The following RBFOX1 variants were observed in gnomAD, a reference collection of about 807,000 sequenced individuals.
RBFOX1 encodes RNA binding fox-1 homolog 1, also known as RNA binding protein fox-1 homolog 1.
In RBFOX1, 8 loss-of-function variants were observed where a neutral mutation model predicts 57.7. The ratio of observed to expected loss-of-function variants is 0.14; its 90% confidence interval spans 0.08 to 0.25. The LOEUF (loss-of-function observed/expected upper bound fraction) is 0.25. Among genes scored for constraint, RBFOX1 ranks in the 10% least tolerant of loss-of-function variants. The pLI, the probability that RBFOX1 is intolerant of heterozygous loss-of-function variation, is 1.00. For missense variants in RBFOX1, 611 were observed against 548.5 expected, an observed-to-expected ratio of 1.11 and a Z score of -1.14; for synonymous variants, 326 against 222.4, an observed-to-expected ratio of 1.47 and a Z score of -4.15.
intron 4 of RBFOX1, among the ~76,000 whole-genome samples, chr16:7,303,496 C>G (rs978715858): frequency 6.6e-6 from 1 of 152,226 alleles, no homozygotes; most frequent in Non-Finnish European, 1.5e-5. Flanking sequence ...GCGCGGGGCG[C>G]TCGCTCGCCT....
intron 2 of RBFOX1, among the ~76,000 whole-genome samples, chr16:6,439,884 C>G (rs550917684): frequency 3.5e-4 from 53 of 152,056 alleles, no homozygotes; most frequent in Non-Finnish European, 7.1e-4. Context: ...ATTTGATATC[C>G]TCTTTAAAAT....
chr16:6,698,687 T>G (rs765997975), intron 3 of RBFOX1, among the ~76,000 whole-genome samples: 1 of 152,206 alleles, frequency 6.6e-6, no homozygotes, highest in Non-Finnish European at 1.5e-5. Context: ...TATTCTATGC[T>G]ATTTTCAGCA....
intron 2 of RBFOX1, among the ~76,000 whole-genome samples, chr16:6,628,793 G>A (rs1217464904): frequency 6.6e-6 from 1 of 152,136 alleles, no homozygotes; most frequent in Admixed American, 6.5e-5. Context: ...TTCTTCCAAA[G>A]TTTAGGTATG....
intron 4 of RBFOX1, among the ~76,000 whole-genome samples, chr16:7,426,968 C>G (rs2098623732): frequency 6.6e-6 from 1 of 152,168 alleles, no homozygotes; most frequent in South Asian, 2.1e-4. Flanking sequence ...TTTGTAGGGA[C>G]ATGGATGAAG....
intron 2 of RBFOX1, among the ~76,000 whole-genome samples, chr16:6,540,255 T>A (rs750855593): frequency 5.9e-5 from 9 of 152,006 alleles, no homozygotes; most frequent in Non-Finnish European, 1.3e-4. Flanking sequence ...ATTTGTGCAA[T>A]TCTCCCTCAA....
At chr16:7,012,158 C>T (rs1468049062) in intron 3 of RBFOX1, among the ~76,000 whole-genome samples, 1 of 152,158 alleles carries the variant, frequency 6.6e-6, no homozygotes, top group Non-Finnish European at 1.5e-5. Context: ...AGACTATGAT[C>T]ACTATCATTT....
intron 4 of RBFOX1, among the ~76,000 whole-genome samples, chr16:7,333,458 T>A (rs563513015): frequency 8.8e-4 from 134 of 152,274 alleles, no homozygotes; most frequent in African/African-American, 3.1e-3. Flanking sequence ...GTGACTCAGT[T>A]AAGAGCTTTA....
At chr16:7,575,355 G>C (rs1255846072) in intron 5 of RBFOX1, among the ~76,000 whole-genome samples, 1 of 152,072 alleles carries the variant, frequency 6.6e-6, no homozygotes, top group African/African-American at 2.4e-5. Context: ...GGCTGGTCTT[G>C]AACTCCTTAC....
chr16:6,647,508 A>G (rs967417915), intron 2 of RBFOX1, among the ~76,000 whole-genome samples: 4 of 152,146 alleles, frequency 2.6e-5, no homozygotes, highest in African/African-American at 9.7e-5. Context: ...TTAGACTCCC[A>G]AAGTGATGGG....
chr16:6,864,734 T>C (rs1567618851), intron 3 of RBFOX1, among the ~76,000 whole-genome samples: 1 of 152,112 alleles, frequency 6.6e-6, no homozygotes, highest in Non-Finnish European at 1.5e-5. Context: ...TCCTAGAAGA[T>C]GTTGCTCTGT....
At chr16:6,873,317 T>G (rs558439758) in intron 3 of RBFOX1, among the ~76,000 whole-genome samples, 25 of 152,204 alleles carry the variant, frequency 1.6e-4, no homozygotes, top group African/African-American at 5.8e-4. Flanking sequence ...CTTCCTTATG[T>G]TGGAGGGGGA....
intron 14 of RBFOX1, among the ~76,000 whole-genome samples, chr16:7,705,496 C>G (rs1016684951): frequency 6.6e-6 from 1 of 152,050 alleles, no homozygotes; most frequent in African/African-American, 2.4e-5. Flanking sequence ...CAGAGCAAGA[C>G]CAACTCAAAA....
intron 3 of RBFOX1, among the ~76,000 whole-genome samples, chr16:5,675,556 A>G (rs2050142354): frequency 6.6e-6 from 1 of 152,122 alleles, no homozygotes; most frequent in South Asian, 2.1e-4. Context: ...CACAGAAAAC[A>G]AGGCATGGGG....
chr16:6,629,882 T>C (rs188176405), intron 2 of RBFOX1, among the ~76,000 whole-genome samples: 1 of 152,046 alleles, frequency 6.6e-6, no homozygotes, highest in African/African-American at 2.4e-5. Flanking sequence ...CTTAATGTTA[T>C]GAAGGACCTG....
intron 12 of RBFOX1, among the ~76,000 whole-genome samples, chr16:7,659,765 G>T (rs1165009884): frequency 6.6e-6 from 1 of 152,150 alleles, no homozygotes; most frequent in Non-Finnish European, 1.5e-5. Context: ...GTTTTAAAAT[G>T]TAATCCAAAC....
chr16:6,732,860 T>C (rs558698907), intron 3 of RBFOX1, among the ~76,000 whole-genome samples: 1 of 152,326 alleles, frequency 6.6e-6, no homozygotes, highest in East Asian at 1.9e-4. Context: ...ATGTAAACTT[T>C]TCACAACAAA....
At chr16:7,005,735 G>C (rs564681947) in intron 3 of RBFOX1, among the ~76,000 whole-genome samples, 1 of 152,306 alleles carries the variant, frequency 6.6e-6, no homozygotes, top group South Asian at 2.1e-4. Flanking sequence ...ACCGCTAGGT[G>C]ATCATGTCTG....
chr16:6,912,445 T>G (rs1324776373), intron 3 of RBFOX1, among the ~76,000 whole-genome samples: 1 of 152,126 alleles, frequency 6.6e-6, no homozygotes, highest in Non-Finnish European at 1.5e-5. Context: ...AGTAAAGATT[T>G]TTCAGGATCC....
At chr16:6,919,229 C>T (rs879814902) in intron 3 of RBFOX1, among the ~76,000 whole-genome samples, 21 of 151,984 alleles carry the variant, frequency 1.4e-4, no homozygotes, top group South Asian at 2.1e-4. Context: ...GTGATCCGCC[C>T]GCCTCAGCTT....
Sources: gnomAD v4.1 joint callset for allele counts (sites outside exome capture counted in the v4.1 genomes callset) on GRCh38, gnomAD v4.1.1 for gene constraint, MANE v1.5 for transcripts, NCBI Gene and HGNC (gene_info 2026-07-23, HGNC 2026-07-21) for gene names.